SEMA6D: variants seen among roughly 807,000 people sequenced by gnomAD.
The protein encoded by SEMA6D is semaphorin 6D.
A neutral mutation model predicts 106.6 loss-of-function variants in SEMA6D; 35 were observed. The observed-to-expected ratio is 0.33, with a 90% confidence interval of 0.25 to 0.44. SEMA6D has a LOEUF of 0.44. Among genes scored for constraint, SEMA6D ranks in the 20% least tolerant of loss-of-function variants. The probability of loss-of-function intolerance (pLI) is 1.00; values close to 1 mark genes in which losing one functional copy is unlikely to be tolerated. For synonymous variants in SEMA6D, 499 were observed against 487.7 expected, an observed-to-expected ratio of 1.02 and a Z score of -0.31; for missense variants, 1,185 against 1,345.9, an observed-to-expected ratio of 0.88 and a Z score of 1.87.
chr15:47,511,437 C>G (rs556595223), intron 3 of SEMA6D, among the ~76,000 whole-genome samples: 1 of 152,184 alleles, frequency 6.6e-6, no homozygotes, highest in Non-Finnish European at 1.5e-5. Context: ...ATGACTTGAC[C>G]GGGATTGGAC....
chr15:47,488,134 T>A (rs990172246), intron 3 of SEMA6D, among the ~76,000 whole-genome samples: 2 of 152,212 alleles, frequency 1.3e-5, no homozygotes, highest in Non-Finnish European at 1.5e-5. Context: ...TTTTTTACAT[T>A]TTTGTTTCTG....
intron 1 of SEMA6D, among the ~76,000 whole-genome samples, chr15:47,192,784 A>G (rs928972507): frequency 6.6e-6 from 1 of 152,224 alleles, no homozygotes; most frequent in Non-Finnish European, 1.5e-5. Context: ...AGATATACTC[A>G]TCTTGGAAGA....
At chr15:47,577,115 A>G (rs868435809) in intron 3 of SEMA6D, among the ~76,000 whole-genome samples, 2 of 152,246 alleles carry the variant, frequency 1.3e-5, no homozygotes, top group East Asian at 3.8e-4. Context: ...TAAGTGAAAA[A>G]TGTTTGCATT....
At chr15:47,352,363 G>A (rs192965697) in intron 1 of SEMA6D, among the ~76,000 whole-genome samples, 3 of 152,240 alleles carry the variant, frequency 2.0e-5, no homozygotes, top group East Asian at 3.9e-4. Flanking sequence ...ATCTAGAGAC[G>A]AATAACCTTT....
chr15:47,247,190 A>G (rs2033255305), intron 1 of SEMA6D, among the ~76,000 whole-genome samples: 1 of 152,190 alleles, frequency 6.6e-6, no homozygotes, highest in Non-Finnish European at 1.5e-5. Context: ...GAAACGACTA[A>G]TAAGAGATTG....
intron 1 of SEMA6D, among the ~76,000 whole-genome samples, chr15:47,725,203 G>T (rs191100976): frequency 6.6e-6 from 1 of 152,310 alleles, no homozygotes; most frequent in Admixed American, 6.5e-5. Context: ...TGCTTAGACT[G>T]CAGGTTTTTT....
chr15:47,296,255 G>A (rs2035797560), intron 1 of SEMA6D, among the ~76,000 whole-genome samples: 1 of 152,196 alleles, frequency 6.6e-6, no homozygotes, highest in Non-Finnish European at 1.5e-5. Context: ...GATGGGTTTT[G>A]GAGAGATGAA....
intron 2 of SEMA6D, among the ~76,000 whole-genome samples, chr15:47,439,793 C>T (rs1399528966): frequency 6.6e-6 from 1 of 152,070 alleles, no homozygotes; most frequent in Non-Finnish European, 1.5e-5. Context: ...AAGCCAGACT[C>T]ACTTAAATTT....
intron 3 of SEMA6D, among the ~76,000 whole-genome samples, chr15:47,543,626 A>T: frequency 6.6e-6 from 1 of 152,124 alleles, no homozygotes; most frequent in East Asian, 1.9e-4. Flanking sequence ...TACACCTACT[A>T]TGTCACCTAT....
intron 4 of SEMA6D, among the ~76,000 whole-genome samples, chr15:47,670,064 C>G (rs986417883): frequency 9.2e-5 from 14 of 152,190 alleles, no homozygotes; most frequent in African/African-American, 3.4e-4. Context: ...TGGAGAAATT[C>G]TGTGCATCCT....
chr15:47,365,083 G>C (rs1378839367), intron 1 of SEMA6D, among the ~76,000 whole-genome samples: 1 of 152,174 alleles, frequency 6.6e-6, no homozygotes. Flanking sequence ...TAGCCCTTCA[G>C]CTGGCCTGGA....
chr15:47,735,202 A>G (rs1034782211), intron 1 of SEMA6D, among the ~76,000 whole-genome samples: 1 of 152,250 alleles, frequency 6.6e-6, no homozygotes, highest in Non-Finnish European at 1.5e-5. Flanking sequence ...GGCACTAACC[A>G]ATCAAAACAG....
chr15:47,690,326 A>G (rs2078558628), intron 4 of SEMA6D, among the ~76,000 whole-genome samples: 1 of 152,194 alleles, frequency 6.6e-6, no homozygotes, highest in African/African-American at 2.4e-5. Context: ...AAGGAATAGC[A>G]TTTGACTTAG....
chr15:47,589,159 C>T (rs533970541), intron 3 of SEMA6D, among the ~76,000 whole-genome samples: 4 of 152,282 alleles, frequency 2.6e-5, no homozygotes, highest in East Asian at 3.9e-4. Context: ...GGTCCCCTCC[C>T]GGCAGGCTTC....
At chr15:47,564,113 G>T (rs945501167) in intron 3 of SEMA6D, among the ~76,000 whole-genome samples, 2 of 152,186 alleles carry the variant, frequency 1.3e-5, no homozygotes, top group Non-Finnish European at 2.9e-5. Context: ...ATAAATCATG[G>T]AGTGTGTTTA....
chr15:47,450,929 A>C (rs987609542), intron 2 of SEMA6D, among the ~76,000 whole-genome samples: 1 of 152,106 alleles, frequency 6.6e-6, no homozygotes, highest in African/African-American at 2.4e-5. Flanking sequence ...TGCCTTCCCC[A>C]CAAGCTTTGC....
At chr15:47,726,114 C>T (rs868705649) in intron 1 of SEMA6D, among the ~76,000 whole-genome samples, 4 of 152,232 alleles carry the variant, frequency 2.6e-5, no homozygotes, top group Non-Finnish European at 5.9e-5. Context: ...CAAGCTGCCT[C>T]CCCCTGCGCA....
chr15:47,545,674 A>C (rs2045497311), intron 3 of SEMA6D, among the ~76,000 whole-genome samples: 1 of 152,158 alleles, frequency 6.6e-6, no homozygotes, highest in Non-Finnish European at 1.5e-5. Context: ...GACTCAAATT[A>C]AACTCAAATA....
At chr15:47,381,245 C>A (rs1337892944) in intron 1 of SEMA6D, among the ~76,000 whole-genome samples, 1 of 152,220 alleles carries the variant, frequency 6.6e-6, no homozygotes, top group African/African-American at 2.4e-5. Context: ...AAAGCAAATT[C>A]ACAGGTTCAA....
Sources: gnomAD v4.1 joint callset for allele counts (sites outside exome capture counted in the v4.1 genomes callset) on GRCh38, gnomAD v4.1.1 for gene constraint, MANE v1.5 for transcripts, NCBI Gene and HGNC (gene_info 2026-07-23, HGNC 2026-07-21) for gene names.